The following TMEM132C variants were observed in gnomAD, a reference collection of about 807,000 sequenced individuals.
TMEM132C encodes protein phosphatase 1, regulatory subunit 152.
In TMEM132C, 29 loss-of-function variants were observed where a neutral mutation model predicts 61.4. That is an observed-to-expected ratio of 0.47 (90% CI 0.35 to 0.64). The LOEUF (loss-of-function observed/expected upper bound fraction) is 0.64, where lower values mean the gene tolerates loss of function less well. Among genes scored for constraint, TMEM132C ranks in the 30% least tolerant of loss-of-function variants. The pLI, the probability that TMEM132C is intolerant of heterozygous loss-of-function variation, is 0.00. For missense variants in TMEM132C, 1,408 were observed against 1,476.9 expected, an observed-to-expected ratio of 0.95 and a Z score of 0.76; for synonymous variants, 656 against 633.1, an observed-to-expected ratio of 1.04 and a Z score of -0.54.
intron 3 of TMEM132C, among the ~76,000 whole-genome samples, chr12:128,589,212 G>A (rs893491254): frequency 1.3e-5 from 2 of 152,142 alleles, no homozygotes; most frequent in Non-Finnish European, 1.5e-5. Flanking sequence ...AAGGCAAGGC[G>A]CACAAGGAAC....
intron 5 of TMEM132C, among the ~76,000 whole-genome samples, chr12:128,673,941 T>A (rs1954559526): frequency 6.6e-6 from 1 of 152,234 alleles, no homozygotes; most frequent in East Asian, 1.9e-4. Flanking sequence ...AGATCAGGGA[T>A]TAAGACTGGA....
In TMEM132C at chr12:128,568,388, A is replaced by G. The variant is rs143132548; in HGVS notation, c.1121+24285A>G. 6.5e-3 allele frequency among the ~76,000 whole-genome samples: 994 copies of G among 152,348 alleles called. 5 individuals carry two copies. Among genetic ancestry groups the G allele is most frequent in the Middle Eastern group, 0.01 (3 of 294 alleles). ...ATTTATGCTCATACCTTGTTCCACA[A>G]AGGATTTTAGACAATTTACAATACT... On this transcript the variant is annotated intron_variant, in intron 3 of 8. Coordinates refer to ENST00000435159, the MANE Select transcript of TMEM132C (RefSeq NM_001136103.3).
intron 1 of TMEM132C, among the ~76,000 whole-genome samples, chr12:128,287,349 G>A (rs1221924410): frequency 1.3e-5 from 2 of 152,144 alleles, no homozygotes; most frequent in African/African-American, 4.8e-5. Context: ...TTTCAGAAAA[G>A]TTGCAAAAAT....
In TMEM132C at chr12:128,267,185, C is replaced by T. The variant is rs1166212301; in HGVS notation, c.-218C>T. ...GGCTGCGGGAGAAAAGTTGTCCCGG[C>T]CGGAGCGCGAGCAGCGGCGGAGCCG... On this transcript the variant is annotated 5_prime_UTR_variant, in exon 1 of 9. Coordinates refer to ENST00000435159, the MANE Select transcript of TMEM132C (RefSeq NM_001136103.3). 6.8e-6 allele frequency among the ~76,000 whole-genome samples: 1 copy of T among 146,620 alleles called. No homozygotes were observed. The highest frequency in any genetic ancestry group is 2.0e-4 in the East Asian group (1 of 5,040).
chr12:128,430,654 A>G (rs918023974), intron 2 of TMEM132C, among the ~76,000 whole-genome samples: 2 of 152,172 alleles, frequency 1.3e-5, no homozygotes. Flanking sequence ...TTCCAACAGC[A>G]CGTGCTCACT....
chr12:128,638,348 A>G (rs899614679), intron 4 of TMEM132C, among the ~76,000 whole-genome samples: 2 of 152,224 alleles, frequency 1.3e-5, no homozygotes, highest in Admixed American at 6.5e-5. Context: ...AAGTCAGAGT[A>G]AAAACTAGCA....
At chr12:128,503,669 A>G (rs1013524373) in intron 2 of TMEM132C, among the ~76,000 whole-genome samples, 2 of 152,222 alleles carry the variant, frequency 1.3e-5, no homozygotes, top group African/African-American at 4.8e-5. Flanking sequence ...TAATCCCATC[A>G]TCAATGTCAT....
At chr12:128,494,451 A>G (rs1871865692) in intron 2 of TMEM132C, among the ~76,000 whole-genome samples, 1 of 152,164 alleles carries the variant, frequency 6.6e-6, no homozygotes, top group African/African-American at 2.4e-5. Context: ...CCTCTGGTAG[A>G]ATTCTGCTGT....
At chr12:128,650,022 G>C (rs1396014021) in intron 4 of TMEM132C, among the ~76,000 whole-genome samples, 2 of 152,146 alleles carry the variant, frequency 1.3e-5, no homozygotes, top group Non-Finnish European at 2.9e-5. Context: ...CAGCAGAGCT[G>C]TTAGCTATGT....
chr12:128,546,398 A>G (rs1873952135), intron 3 of TMEM132C, among the ~76,000 whole-genome samples: 1 of 152,200 alleles, frequency 6.6e-6, no homozygotes, highest in South Asian at 2.1e-4. Context: ...AGTTCTTCAC[A>G]TGGGAACCTG....
intron 4 of TMEM132C, among the ~76,000 whole-genome samples, chr12:128,666,284 CACACACAT>C (rs1954473618): frequency 2.6e-5 from 4 of 151,208 alleles, no homozygotes; most frequent in African/African-American, 7.3e-5. Context: ...CAAACACAGG[CACACACAT>C]ACACACAGGC....
chr12:128,542,643 C>T (rs1174950481), intron 2 of TMEM132C, among the ~76,000 whole-genome samples: 3 of 151,902 alleles, frequency 2.0e-5, no homozygotes, highest in Admixed American at 6.6e-5. Context: ...GGGTGGATCA[C>T]AAGGTCAGGA....
intron 2 of TMEM132C, among the ~76,000 whole-genome samples, chr12:128,466,629 T>C (rs1178358007): frequency 6.6e-6 from 1 of 152,172 alleles, no homozygotes; most frequent in Non-Finnish European, 1.5e-5. Context: ...CCTTCAGGGC[T>C]TAAGCCATAC....
intron 1 of TMEM132C, among the ~76,000 whole-genome samples, chr12:128,307,488 A>G (rs1871823183): frequency 6.6e-6 from 1 of 152,132 alleles, no homozygotes; most frequent in African/African-American, 2.4e-5. Flanking sequence ...AATATGCATT[A>G]TTACATTTCA....
At chr12:128,638,848 A>G (rs1023819019) in intron 4 of TMEM132C, among the ~76,000 whole-genome samples, 3 of 148,374 alleles carry the variant, frequency 2.0e-5, no homozygotes, top group Non-Finnish European at 4.5e-5. Context: ...GATGATGATG[A>G]TGGTGATGGT....
chr12:128,275,330 G>A (rs966059095), intron 1 of TMEM132C, among the ~76,000 whole-genome samples: 1 of 152,122 alleles, frequency 6.6e-6, no homozygotes, highest in Non-Finnish European at 1.5e-5. Flanking sequence ...ATCAGCGGTA[G>A]CATTAGATTC....
intron 2 of TMEM132C, among the ~76,000 whole-genome samples, chr12:128,450,462 A>G (rs1017814373): frequency 1.3e-5 from 2 of 152,200 alleles, no homozygotes; most frequent in African/African-American, 4.8e-5. Flanking sequence ...AGGGTCACCC[A>G]TCAATGACAG....
chr12:128,479,365 AG>A (rs200213325), intron 2 of TMEM132C, among the ~76,000 whole-genome samples: 1 of 152,200 alleles, frequency 6.6e-6, no homozygotes, highest in Non-Finnish European at 1.5e-5. Context: ...TTAAAAGTTA[AG>A]GAAAAAAAAG....
At chr12:128,446,920 G>A (rs1869999669) in intron 2 of TMEM132C, among the ~76,000 whole-genome samples, 1 of 152,180 alleles carries the variant, frequency 6.6e-6, no homozygotes, top group Non-Finnish European at 1.5e-5. Context: ...GGATGCAAAA[G>A]TCCAAGGAAC....
Sources: allele counts gnomAD v4.1 joint callset (sites outside exome capture counted in the v4.1 genomes callset), GRCh38; gene constraint gnomAD v4.1.1; transcripts MANE v1.5; gene names NCBI Gene and HGNC (gene_info 2026-07-23, HGNC 2026-07-21).